Variants in SCAPER observed in about 807,000 individuals in gnomAD.
The protein encoded by SCAPER is S-phase cyclin A associated protein in the ER.
A neutral mutation model predicts 182.2 loss-of-function variants in SCAPER; 98 were observed. The observed-to-expected ratio is 0.54, with a 90% confidence interval of 0.46 to 0.64. The LOEUF (loss-of-function observed/expected upper bound fraction) is 0.64, where lower values mean the gene tolerates loss of function less well. Ranked by LOEUF, SCAPER falls within the 30% of genes least tolerant of loss-of-function variation. The probability of loss-of-function intolerance (pLI) is 0.00; values close to 1 mark genes in which losing one functional copy is unlikely to be tolerated. For missense variants in SCAPER, 1,432 were observed against 1,690.0 expected (o/e 0.85, Z 2.68); for synonymous variants, 605 against 564.6 (o/e 1.07, Z -1.01).
intron 6 of SCAPER, among the ~76,000 whole-genome samples, chr15:76,802,842 T>C (rs1441656746): frequency 6.6e-6 from 1 of 152,214 alleles, no homozygotes; most frequent in East Asian, 1.9e-4. Flanking sequence ...CCATATGACT[T>C]GGCAAGTTTA....
At chr15:76,569,778 C>T (rs1305324874) in intron 23 of SCAPER, among the ~76,000 whole-genome samples, 3 of 151,846 alleles carry the variant, frequency 2.0e-5, no homozygotes, top group Non-Finnish European at 2.9e-5. Flanking sequence ...ATCTATCTTC[C>T]AGTGCTTGCT....
At chr15:76,372,298 CTGTTCCTCCTCCTTG>C (rs1295684731) in intron 29 of SCAPER, among the ~76,000 whole-genome samples, 2 of 152,224 alleles carry the variant, frequency 1.3e-5, no homozygotes, top group Admixed American at 6.5e-5. Flanking sequence ...GGGTCTCAGT[CTGTTCCTCCTCCTTG>C]TGTTGACCAG....
chr15:76,494,019 T>G (rs779597089), intron 24 of SCAPER, among the ~76,000 whole-genome samples: 36 of 152,216 alleles, frequency 2.4e-4, no homozygotes, highest in Non-Finnish European at 5.0e-4. Context: ...ATTAAAATCA[T>G]CCTGACTAGA....
intron 25 of SCAPER, among the ~76,000 whole-genome samples, chr15:76,470,794 T>C (rs2050095198): frequency 6.6e-6 from 1 of 152,156 alleles, no homozygotes; most frequent in Admixed American, 6.5e-5. Context: ...TAAATATCCA[T>C]CAAAAAGTCC....
At chr15:76,358,450 A>C (rs1017717190) in intron 29 of SCAPER, among the ~76,000 whole-genome samples, 3 of 152,230 alleles carry the variant, frequency 2.0e-5, no homozygotes, top group Non-Finnish European at 2.9e-5. Flanking sequence ...AACAACAGAA[A>C]CTTATTTTCC....
intron 23 of SCAPER, among the ~76,000 whole-genome samples, chr15:76,508,839 T>C (rs2041805740): frequency 6.6e-6 from 1 of 152,180 alleles, no homozygotes; most frequent in Non-Finnish European, 1.5e-5. Context: ...TGGTCAATCC[T>C]TCCTCCCTGA....
intron 22 of SCAPER, among the ~76,000 whole-genome samples, chr15:76,576,524 T>A (rs1262079367): frequency 6.6e-6 from 1 of 152,140 alleles, no homozygotes; most frequent in African/African-American, 2.4e-5. Context: ...ACAGATGTCC[T>A]CCATACAGGA....
chr15:76,392,063 A>G (rs2043732953), intron 27 of SCAPER, among the ~76,000 whole-genome samples: 1 of 152,196 alleles, frequency 6.6e-6, no homozygotes, highest in Admixed American at 6.5e-5. Context: ...GTGAAAGCCA[A>G]TGAGCTCAGG....
intron 26 of SCAPER, among the ~76,000 whole-genome samples, chr15:76,416,685 A>G (rs2045671876): frequency 6.6e-6 from 1 of 152,188 alleles, no homozygotes; most frequent in Admixed American, 6.5e-5. Context: ...TTCAACATCT[A>G]TCATAAGAAA....
At chr15:76,550,048 C>T (rs116499495) in intron 23 of SCAPER, among the ~76,000 whole-genome samples, 1,639 of 152,150 alleles carry the variant, frequency 0.011, 38 homozygotes, top group African/African-American at 0.037. Flanking sequence ...TAGATGCAAA[C>T]GCGCTTTTGA....
intron 29 of SCAPER, among the ~76,000 whole-genome samples, chr15:76,362,322 T>A (rs1596302474): frequency 6.6e-6 from 1 of 152,016 alleles, no homozygotes; most frequent in African/African-American, 2.4e-5. Flanking sequence ...AATTCACTTA[T>A]ATGGGAATAG....
At chr15:76,821,555 T>C (rs1398156190) in intron 5 of SCAPER, among the ~76,000 whole-genome samples, 1 of 151,564 alleles carries the variant, frequency 6.6e-6, no homozygotes, top group Non-Finnish European at 1.5e-5. Flanking sequence ...GCCTGGGAAG[T>C]TGAGGCTGCA....
chr15:76,803,321 C>A (rs1013750833), intron 6 of SCAPER, among the ~76,000 whole-genome samples: 1 of 152,200 alleles, frequency 6.6e-6, no homozygotes, highest in Non-Finnish European at 1.5e-5. Flanking sequence ...CTTTGTCTAA[C>A]TCCTACTTAA....
chr15:76,588,097 A>G, intron 22 of SCAPER, among the ~76,000 whole-genome samples: 1 of 151,408 alleles, frequency 6.6e-6, no homozygotes. Flanking sequence ...AATTTTTTGT[A>G]TTTTTTAGTA....
chr15:76,734,262 T>C (rs1246766398), intron 15 of SCAPER, among the ~76,000 whole-genome samples: 1 of 152,180 alleles, frequency 6.6e-6, no homozygotes, highest in African/African-American at 2.4e-5. Flanking sequence ...GAGTAAAGGA[T>C]AGCTAATGAT....
At chr15:76,547,460 C>G (rs1346605000) in intron 23 of SCAPER, among the ~76,000 whole-genome samples, 1 of 152,038 alleles carries the variant, frequency 6.6e-6, no homozygotes. Context: ...TGGTATCCAA[C>G]TTTGTTTATG....
chr15:76,388,978 T>G (rs1331191873), intron 27 of SCAPER, among the ~76,000 whole-genome samples: 1 of 151,252 alleles, frequency 6.6e-6, no homozygotes, highest in Non-Finnish European at 1.5e-5. Context: ...AAAATTACAG[T>G]CAGTCTCTGT....
chr15:76,358,580 A>AG (rs1371516484), intron 29 of SCAPER, among the ~76,000 whole-genome samples: 1 of 152,196 alleles, frequency 6.6e-6, no homozygotes, highest in African/African-American at 2.4e-5. Context: ...CTCCTTGGTG[A>AG]GGGCATTTAG....
intron 15 of SCAPER, among the ~76,000 whole-genome samples, chr15:76,742,466 T>TAAA (rs55751202): frequency 2.7e-5 from 1 of 37,052 alleles, no homozygotes; most frequent in African/African-American, 1.0e-4. Context: ...TGTCTTTTCC[T>TAAA]AAAAAAAAAA....
Sources: gnomAD v4.1 joint callset for allele counts (sites outside exome capture counted in the v4.1 genomes callset) on GRCh38, gnomAD v4.1.1 for gene constraint, MANE v1.5 for transcripts, NCBI Gene and HGNC (gene_info 2026-07-23, HGNC 2026-07-21) for gene names.